Variants in GRIK2 observed in about 807,000 individuals in gnomAD.
GRIK2 encodes the protein glutamate ionotropic receptor kainate type subunit 2.
GRIK2 carries 32 observed loss-of-function variants against 100.3 expected under a neutral mutation model. That is an observed-to-expected ratio of 0.32 (90% CI 0.24 to 0.43). GRIK2 has a LOEUF of 0.43. Among genes scored for constraint, GRIK2 ranks in the 20% least tolerant of loss-of-function variants. The pLI is 1.00. For synonymous variants in GRIK2, 417 were observed against 389.4 expected, an observed-to-expected ratio of 1.07 and a Z score of -0.83; for missense variants, 843 against 1,114.9, an observed-to-expected ratio of 0.76 and a Z score of 3.47.
chr6:101,872,554 C>A (rs1013631566), intron 11 of GRIK2, among the ~76,000 whole-genome samples: 1 of 151,768 alleles, frequency 6.6e-6, no homozygotes, highest in Non-Finnish European at 1.5e-5. Flanking sequence ...ATTATAGGAA[C>A]CACAATTCAA....
intron 1 of GRIK2, among the ~76,000 whole-genome samples, chr6:101,395,255 T>C (rs576295964): frequency 1.4e-4 from 21 of 152,332 alleles, no homozygotes; most frequent in Non-Finnish European, 3.1e-4. Flanking sequence ...TAAATTGCTA[T>C]GCAACAGGCC....
chr6:101,510,944 G>A (rs1219905204), intron 2 of GRIK2, among the ~76,000 whole-genome samples: 1 of 152,138 alleles, frequency 6.6e-6, no homozygotes, highest in Non-Finnish European at 1.5e-5. Context: ...AAAATGATCG[G>A]CCAAAAGATG....
intron 14 of GRIK2, among the ~76,000 whole-genome samples, chr6:101,964,220 T>C (rs967888116): frequency 6.6e-6 from 1 of 151,360 alleles, no homozygotes; most frequent in African/African-American, 2.4e-5. Context: ...TATAGATACA[T>C]GATATATAAT....
intron 2 of GRIK2, among the ~76,000 whole-genome samples, chr6:101,434,387 T>A (rs1233801466): frequency 6.6e-6 from 1 of 152,194 alleles, no homozygotes; most frequent in African/African-American, 2.4e-5. Context: ...CTAGAAGGGA[T>A]CTTCAATGGC....
At chr6:101,666,229 G>T (rs1770020671) in intron 4 of GRIK2, among the ~76,000 whole-genome samples, 1 of 152,176 alleles carries the variant, frequency 6.6e-6, no homozygotes, top group Non-Finnish European at 1.5e-5. Flanking sequence ...GAGTGCATAG[G>T]GAAGAGTCCA....
chr6:101,971,498 A>G (rs1195313146), intron 14 of GRIK2, among the ~76,000 whole-genome samples: 3 of 152,006 alleles, frequency 2.0e-5, no homozygotes, highest in African/African-American at 7.2e-5. Flanking sequence ...GGGCATGTCA[A>G]GGTTATTTTC....
At chr6:101,607,899 C>A (rs953334314) in intron 2 of GRIK2, among the ~76,000 whole-genome samples, 12 of 151,818 alleles carry the variant, frequency 7.9e-5, no homozygotes, top group African/African-American at 1.9e-4. Context: ...TGCAGAGGAA[C>A]CTTTGCCCAT....
intron 12 of GRIK2, among the ~76,000 whole-genome samples, chr6:101,922,075 ATTTC>A (rs1789558615): frequency 9.4e-6 from 1 of 106,396 alleles, no homozygotes; most frequent in Non-Finnish European, 2.1e-5. Flanking sequence ...ACCTTTCTCC[ATTTC>A]CTTCCTTCCT....
At chr6:102,034,543 C>T (rs1422085719) in intron 14 of GRIK2, among the ~76,000 whole-genome samples, 2 of 151,300 alleles carry the variant, frequency 1.3e-5, no homozygotes, top group Admixed American at 6.6e-5. Flanking sequence ...CAGATGCTAA[C>T]GTTTTTCCTG....
intron 10 of GRIK2, among the ~76,000 whole-genome samples, chr6:101,826,658 T>C (rs1050970896): frequency 1.3e-5 from 2 of 152,052 alleles, no homozygotes; most frequent in Non-Finnish European, 2.9e-5. Flanking sequence ...GATTCAAACT[T>C]CAGCTTTTTC....
At chr6:101,449,705 A>G (rs1359835743) in intron 2 of GRIK2, among the ~76,000 whole-genome samples, 1 of 137,756 alleles carries the variant, frequency 7.3e-6, no homozygotes, top group Non-Finnish European at 1.6e-5. Flanking sequence ...TATTCTGCAT[A>G]GTATTCTTTG....
intron 2 of GRIK2, among the ~76,000 whole-genome samples, chr6:101,404,924 A>G (rs185792808): frequency 6.6e-6 from 1 of 152,324 alleles, no homozygotes; most frequent in Admixed American, 6.5e-5. Context: ...CAATCTGATA[A>G]CATCATAGGG....
At chr6:101,951,834 A>G (rs1368805040) in intron 14 of GRIK2, among the ~76,000 whole-genome samples, 1 of 152,204 alleles carries the variant, frequency 6.6e-6, no homozygotes, top group Non-Finnish European at 1.5e-5. Context: ...GCCAAGTGGA[A>G]CTATGAGTCC....
chr6:101,431,882 T>C (rs1447187158), intron 2 of GRIK2, among the ~76,000 whole-genome samples: 3 of 152,170 alleles, frequency 2.0e-5, no homozygotes, highest in Non-Finnish European at 4.4e-5. Flanking sequence ...CGTGCACTTT[T>C]TTTCAGGCAT....
intron 9 of GRIK2, 74 bp downstream of exon 9, chr6:101,802,512 A>G (rs1290327133): frequency 1.1e-5 from 6 of 552,494 alleles, no homozygotes; most frequent in African/African-American, 9.7e-5. Context: ...TCTCTGTTGT[A>G]GTCACATTTC....
intron 14 of GRIK2, among the ~76,000 whole-genome samples, chr6:101,987,253 G>C (rs1399150393): frequency 6.6e-6 from 1 of 151,812 alleles, no homozygotes; most frequent in Non-Finnish European, 1.5e-5. Context: ...ACAATTTTTT[G>C]TGTGGACGGC....
chr6:101,501,720 A>G (rs148791839), intron 2 of GRIK2, among the ~76,000 whole-genome samples: 58 of 152,256 alleles, frequency 3.8e-4, no homozygotes, highest in Admixed American at 6.5e-4. Flanking sequence ...CTGATTAGCT[A>G]TGTGACCATG....
At chr6:101,554,317 C>T (rs183611414) in intron 2 of GRIK2, among the ~76,000 whole-genome samples, 1 of 152,150 alleles carries the variant, frequency 6.6e-6, no homozygotes, top group African/African-American at 2.4e-5. Flanking sequence ...ACCACCCCAA[C>T]ATGCATTCAG....
intron 2 of GRIK2, among the ~76,000 whole-genome samples, chr6:101,441,170 T>A (rs1282214982): frequency 6.6e-6 from 1 of 151,972 alleles, no homozygotes; most frequent in Admixed American, 6.6e-5. Flanking sequence ...TGTGTTCTCT[T>A]CCAGCTCAGC....
Sources: allele counts gnomAD v4.1 joint callset (sites outside exome capture counted in the v4.1 genomes callset), GRCh38; gene constraint gnomAD v4.1.1; transcripts MANE v1.5; gene names NCBI Gene and HGNC (gene_info 2026-07-23, HGNC 2026-07-21).